CSMD1: variants seen among roughly 807,000 people sequenced by gnomAD.
CSMD1 encodes the protein CUB and Sushi multiple domains 1.
CSMD1 carries 213 observed loss-of-function variants against 417.5 expected under a neutral mutation model. The observed-to-expected ratio is 0.51, with a 90% CI of 0.46 to 0.57. The LOEUF (loss-of-function observed/expected upper bound fraction) is 0.57, where lower values mean the gene tolerates loss of function less well. CSMD1 is among the 20% of genes least tolerant of loss of function. CSMD1 has a pLI of 0.00. For synonymous variants in CSMD1, 2,862 were observed against 1,736.8 expected, an observed-to-expected ratio of 1.65 and a Z score of -16.11; for missense variants, 6,923 against 4,529.7, an observed-to-expected ratio of 1.53 and a Z score of -15.17.
At chr8:4,776,700 G>C (rs1796871944) in intron 1 of CSMD1, among the ~76,000 whole-genome samples, 1 of 152,228 alleles carries the variant, frequency 6.6e-6, no homozygotes, top group East Asian at 1.9e-4. Flanking sequence ...CCAGAACACT[G>C]GCTTGATTCC....
At chr8:4,288,669 T>C (rs889825584) in intron 3 of CSMD1, among the ~76,000 whole-genome samples, 6 of 152,166 alleles carry the variant, frequency 3.9e-5, no homozygotes, top group Non-Finnish European at 8.8e-5. Context: ...AAAATTCCTT[T>C]TCAACATTTG....
intron 3 of CSMD1, among the ~76,000 whole-genome samples, chr8:4,348,741 C>T (rs568733761): frequency 7.9e-5 from 12 of 151,850 alleles, no homozygotes; most frequent in Non-Finnish European, 1.2e-4. Flanking sequence ...TTAGGAAGAC[C>T]GTGAGTTAAA....
At position 3,524,164 on chromosome 8, in the gene CSMD1, G is replaced by C. The variant is rs755916125; in HGVS notation, c.1345-30438C>G. ...ACGCACATATGCATGCACAGCCAGA[G>C]ACGTGCACACACATGCACATACTCA... On this transcript the variant is annotated intron_variant, in intron 10 of 69. Coordinates refer to ENST00000635120, the MANE Select transcript of CSMD1 (RefSeq NM_033225.6). Among the ~76,000 whole-genome samples, 132 of 139,898 alleles carry C rather than the reference G, an allele frequency of 9.4e-4. 1 individual carries two copies. Among genetic ancestry groups the C allele is most frequent in the Middle Eastern group, 5.4e-3 (1 of 186 alleles). 91.8% of individuals were successfully genotyped at this position (139,898 alleles called of 152,430 possible). A position where few individuals can be genotyped will look rare whatever the true frequency, so the allele number is the denominator to read the frequency against.
intron 1 of CSMD1, among the ~76,000 whole-genome samples, chr8:4,710,031 C>T (rs1402361635): frequency 1.3e-5 from 2 of 152,086 alleles, no homozygotes; most frequent in Non-Finnish European, 2.9e-5. Flanking sequence ...TTCAAATAGG[C>T]CACTAAGCTG....
intron 16 of CSMD1, 123 bp downstream of exon 16, chr8:3,399,268 A>C: frequency 2.5e-6 from 2 of 796,646 alleles, no homozygotes; most frequent in Non-Finnish European, 3.9e-6. Flanking sequence ...GTTTCTGGTA[A>C]AGTGTGCTCC....
chr8:3,209,374 T>C (rs1285917590), intron 30 of CSMD1, among the ~76,000 whole-genome samples: 3 of 152,160 alleles, frequency 2.0e-5, no homozygotes, highest in Admixed American at 1.3e-4. Context: ...TGGAGTACAG[T>C]GGCGTGATCT....
intron 2 of CSMD1, among the ~76,000 whole-genome samples, chr8:4,479,881 G>C (rs186795614): frequency 3.0e-4 from 46 of 151,672 alleles, no homozygotes; most frequent in Admixed American, 2.2e-3. Flanking sequence ...CAGGAGAATT[G>C]CTTGAACCTG....
intron 6 of CSMD1, among the ~76,000 whole-genome samples, chr8:3,739,272 G>T (rs181163455): frequency 4.1e-4 from 63 of 152,320 alleles, no homozygotes; most frequent in African/African-American, 1.4e-3. Flanking sequence ...TGACAAAGCT[G>T]TAGATTGTCT....
intron 1 of CSMD1, among the ~76,000 whole-genome samples, chr8:4,769,939 C>T (rs1796519270): frequency 6.6e-6 from 1 of 152,018 alleles, no homozygotes; most frequent in Non-Finnish European, 1.5e-5. Context: ...AAAATAAGAA[C>T]AATAACAAGT....
chr8:4,077,902 C>T (rs1280334422), intron 3 of CSMD1, among the ~76,000 whole-genome samples: 2 of 152,088 alleles, frequency 1.3e-5, no homozygotes, highest in East Asian at 3.9e-4. Flanking sequence ...TAGCAATGTC[C>T]TTCCCGAAGA....
Position 4,539,951 on chromosome 8 carries a change from C to G in CSMD1, c.302+97391G>C, listed in dbSNP as rs577016203. 2.0e-5 allele frequency among the ~76,000 whole-genome samples: 3 copies of G among 152,270 alleles called. No homozygotes were observed. In the South Asian group the frequency reaches 6.2e-4, roughly 32 times the overall value. ...CTTCCCATCTACCCCAGCCCAAACT[C>G]CGCCCCGTCCAGGTGCTGCCTGCAG... is the stretch of plus-strand genomic sequence containing the variant. On this transcript the variant is annotated intron_variant, in intron 2 of 69. Transcript: ENST00000635120.
At chr8:3,121,646 G>A (rs1817212134) in intron 41 of CSMD1, among the ~76,000 whole-genome samples, 6 of 152,130 alleles carry the variant, frequency 3.9e-5, no homozygotes, top group Admixed American at 3.9e-4. Context: ...ATCTAAAGAT[G>A]TAAAAGGCTG....
At chr8:3,124,147 GA>G (rs1261767301) in intron 41 of CSMD1, among the ~76,000 whole-genome samples, 7 of 152,124 alleles carry the variant, frequency 4.6e-5, no homozygotes, top group Admixed American at 3.3e-4. Context: ...TGCGTGTGGG[GA>G]GGGGGGAGCA....
At chr8:4,062,622 A>G (rs967067195) in intron 3 of CSMD1, among the ~76,000 whole-genome samples, 3 of 152,170 alleles carry the variant, frequency 2.0e-5, no homozygotes, top group Non-Finnish European at 4.4e-5. Flanking sequence ...CTGGAAAAAC[A>G]GCACTTATTA....
intron 2 of CSMD1, among the ~76,000 whole-genome samples, chr8:4,506,683 A>C (rs1313051313): frequency 6.6e-6 from 1 of 152,068 alleles, no homozygotes; most frequent in Non-Finnish European, 1.5e-5. Flanking sequence ...ACAGAGCTTA[A>C]CCTCCTCTGA....
chr8:4,145,398 G>A (rs75548022), intron 3 of CSMD1, among the ~76,000 whole-genome samples: 1 of 151,000 alleles, frequency 6.6e-6, no homozygotes, highest in African/African-American at 2.5e-5. Context: ...AGTCTTCTTT[G>A]GGCAATTGTG....
chr8:4,443,796 T>C lies in CSMD1; in HGVS notation c.303-23731A>G, dbSNP rs73660823. Among the ~76,000 whole-genome samples, 718 of 152,314 alleles carry C rather than the reference T, an allele frequency of 4.7e-3. 6 individuals carry two copies. The highest frequency in any genetic ancestry group is 0.016 in the African/African-American group (680 of 41,576). The stretch of plus-strand genomic sequence containing the variant: ...TCTCTACCAAGTGTGATCTGTGTCA[T>C]GTCCAGAAAATCCCTTATATGGTGA... On this transcript the variant is annotated intron_variant, in intron 2 of 69. Coordinates refer to ENST00000635120, the MANE Select transcript of CSMD1 (RefSeq NM_033225.6).
chr8:4,182,262 T>G (rs902171100), intron 3 of CSMD1, among the ~76,000 whole-genome samples: 1 of 152,146 alleles, frequency 6.6e-6, no homozygotes, highest in Admixed American at 6.5e-5. Flanking sequence ...ATCTAGATTA[T>G]CGTTTGCATG....
chr8:3,255,350 C>G (rs1800573265), intron 26 of CSMD1, among the ~76,000 whole-genome samples: 1 of 152,162 alleles, frequency 6.6e-6, no homozygotes, highest in Non-Finnish European at 1.5e-5. Context: ...TGTCCATTCT[C>G]AGATCTCAAG....
Sources: allele counts gnomAD v4.1 joint callset (sites outside exome capture counted in the v4.1 genomes callset), GRCh38; gene constraint gnomAD v4.1.1; transcripts MANE v1.5; gene names NCBI Gene and HGNC (gene_info 2026-07-23, HGNC 2026-07-21).